LARS2: variants seen among roughly 807,000 people sequenced by gnomAD.
LARS2 encodes leucyl-tRNA synthetase 2, mitochondrial.
Under a neutral mutation model 116.6 loss-of-function variants are expected in LARS2, and 81 were observed. That is an observed-to-expected ratio of 0.69 (90% confidence interval 0.58 to 0.84). LARS2 has a LOEUF of 0.84. LARS2 is among the 40% of genes least tolerant of loss of function. LARS2 has a pLI of 0.00. For missense variants in LARS2, 968 were observed against 1,114.5 expected (o/e 0.87, Z 1.87); for synonymous variants, 396 against 407.2 (o/e 0.97, Z 0.33).
intron 21 of LARS2, among the ~76,000 whole-genome samples, chr3:45,542,460 G>C (rs1700813383): frequency 6.6e-6 from 1 of 152,118 alleles, no homozygotes; most frequent in Non-Finnish European, 1.5e-5. Flanking sequence ...CTTTCTAAGA[G>C]CAAGTAACCC....
intron 21 of LARS2, among the ~76,000 whole-genome samples, chr3:45,543,290 A>G (rs1277311656): frequency 6.6e-6 from 1 of 151,764 alleles, no homozygotes; most frequent in Non-Finnish European, 1.5e-5. Context: ...TGTGGCATGG[A>G]GGAAATTTCT....
intron 6 of LARS2, among the ~76,000 whole-genome samples, chr3:45,431,131 A>G (rs908022473): frequency 7.9e-5 from 12 of 152,192 alleles, no homozygotes; most frequent in African/African-American, 2.7e-4. Flanking sequence ...TATGACAGAC[A>G]AGTCAAGAAG....
intron 20 of LARS2, among the ~76,000 whole-genome samples, chr3:45,532,591 G>A (rs1700632092): frequency 6.6e-6 from 1 of 152,132 alleles, no homozygotes; most frequent in Admixed American, 6.5e-5. Context: ...GCATTGTTAG[G>A]TTAGTGAAAG....
chr3:45,413,420 A>T (rs1437545007), intron 4 of LARS2, among the ~76,000 whole-genome samples: 1 of 152,212 alleles, frequency 6.6e-6, no homozygotes, highest in Non-Finnish European at 1.5e-5. Flanking sequence ...ACCATGCTAG[A>T]TGTGCCACAG....
intron 4 of LARS2, among the ~76,000 whole-genome samples, chr3:45,412,799 C>T (rs1698352577): frequency 6.6e-6 from 1 of 152,176 alleles, no homozygotes; most frequent in Admixed American, 6.5e-5. Context: ...AGCACATATC[C>T]CTTACAGAAA....
chr3:45,403,030 G>A (rs919240084), intron 4 of LARS2, among the ~76,000 whole-genome samples: 1 of 150,512 alleles, frequency 6.6e-6, no homozygotes. Context: ...GCTTGAACCC[G>A]GGAGGCAGAG....
intron 12 of LARS2, among the ~76,000 whole-genome samples, chr3:45,490,994 G>A (rs1699904491): frequency 6.6e-6 from 1 of 152,214 alleles, no homozygotes; most frequent in Admixed American, 6.5e-5. Context: ...TCTGCTTTAG[G>A]ATAATATTGG....
At chr3:45,389,674 G>C (rs185834174) in intron 1 of LARS2, among the ~76,000 whole-genome samples, 283 of 152,346 alleles carry the variant, frequency 1.9e-3, no homozygotes, top group African/African-American at 6.6e-3. Context: ...TCTTATCTTA[G>C]AAGAAGATTC....
At chr3:45,390,319 T>C (rs892213255) in intron 1 of LARS2, among the ~76,000 whole-genome samples, 3 of 152,062 alleles carry the variant, frequency 2.0e-5, no homozygotes, top group Non-Finnish European at 4.4e-5. Context: ...TTTTTATTTA[T>C]TTATTTTTTT....
Position 45,496,360 on chromosome 3 carries a change from C to T in LARS2, c.1609C>T (p.His537Tyr). ...GTACTACTTCAGATACACTGACCCTCATAATCCACACAGGTAAAACGTCCC... is the reference window on the plus strand; with the variant it reads ...GTACTACTTCAGATACACTGACCCTTATAATCCACACAGGTAAAACGTCCC... Reference protein sequence around the residue: ...AWYYFRYTDPHNPHSPFNTAV... With the variant: ...AWYYFRYTDPYNPHSPFNTAV... The change falls in exon 14 of 22, where the codon CAT becomes TAT. Residue 537 changes from histidine to tyrosine, a missense_variant. His to Tyr is a moderately conservative substitution (Grantham distance 83, BLOSUM62 2). Coordinates refer to ENST00000645846, the MANE Select transcript of LARS2 (RefSeq NM_015340.4). 1 of 1,613,020 alleles carries T rather than the reference C, an allele frequency of 6.2e-7. No homozygotes were observed. Among genetic ancestry groups the T allele is most frequent in the Non-Finnish European group, 8.5e-7 (1 of 1,178,970 alleles).
rs1464118442 is a variant in LARS2, at chr3:45,516,287, T to A, written c.2044+11T>A. Reference sequence around the variant, plus strand: ...TGTGGGATGTGAAAAGTAAGTCACCTTCCTCTTCCTGACTTGCTTCCTTTG... The same window carrying A: ...TGTGGGATGTGAAAAGTAAGTCACCATCCTCTTCCTGACTTGCTTCCTTTG... On this transcript the variant is annotated intron_variant, in intron 17 of 21. Coordinates refer to ENST00000645846, the MANE Select transcript of LARS2 (RefSeq NM_015340.4). 1 of 1,609,446 alleles carries A rather than the reference T, an allele frequency of 6.2e-7. No individual in the cohort carries two copies. Among genetic ancestry groups the A allele is most frequent in the South Asian group, 1.1e-5 (1 of 90,328 alleles).
intron 10 of LARS2, among the ~76,000 whole-genome samples, chr3:45,483,729 T>G (rs1185168071): frequency 6.6e-6 from 1 of 152,214 alleles, no homozygotes; most frequent in Non-Finnish European, 1.5e-5. Context: ...CTCAGCCAGC[T>G]GCAGCAACAG....
intron 6 of LARS2, among the ~76,000 whole-genome samples, chr3:45,434,261 A>T (rs1698765924): frequency 6.6e-6 from 1 of 151,998 alleles, no homozygotes; most frequent in Admixed American, 6.6e-5. Context: ...CCTAAGCTCT[A>T]TTCATTTTTT....
At chr3:45,433,386 C>G (rs916955054) in intron 6 of LARS2, among the ~76,000 whole-genome samples, 8 of 151,790 alleles carry the variant, frequency 5.3e-5, no homozygotes, top group African/African-American at 1.9e-4. Flanking sequence ...TTTGATTTAT[C>G]TATAGTGTGT....
At chr3:45,475,222 G>T (rs1168932151) in intron 9 of LARS2, among the ~76,000 whole-genome samples, 1 of 152,136 alleles carries the variant, frequency 6.6e-6, no homozygotes, top group Non-Finnish European at 1.5e-5. Context: ...CTAGACTCTT[G>T]CCTGCTGACA....
At chr3:45,395,378 A>G (rs1315631934) in intron 3 of LARS2, among the ~76,000 whole-genome samples, 16 of 152,236 alleles carry the variant, frequency 1.1e-4, no homozygotes, top group Admixed American at 9.2e-4. Context: ...TGGTGGAAGC[A>G]TAATACTTGG....
intron 13 of LARS2, among the ~76,000 whole-genome samples, chr3:45,493,982 G>A (rs3774685): frequency 0.84 from 127,782 of 152,176 alleles, 56,100 homozygotes; most frequent in East Asian, 0.98. Context: ...ATTTCCCAAA[G>A]TAGTGTCTGT....
Position 45,454,062 on chromosome 3 carries a change from G to A in LARS2, c.607-4681G>A, listed in dbSNP as rs1238167194. Among the ~76,000 whole-genome samples the A allele has an allele frequency of 6.6e-5, 10 of 152,172 alleles. No homozygotes were observed. The East Asian group carries it at 1.4e-3, about 21-fold the overall frequency. Reference sequence around the variant, plus strand: ...GCAAGGAGGATCTGAGGGAAGAGGAGGAATGGTAATGATGAGATGAGAGGC... The same window carrying A: ...GCAAGGAGGATCTGAGGGAAGAGGAAGAATGGTAATGATGAGATGAGAGGC... On this transcript the variant is annotated intron_variant, in intron 7 of 21. Coordinates refer to ENST00000645846, the MANE Select transcript of LARS2 (RefSeq NM_015340.4).
intron 9 of LARS2, among the ~76,000 whole-genome samples, 186 bp downstream of exon 9, chr3:45,474,536 ATT>A (rs1559480737): frequency 6.6e-6 from 1 of 152,228 alleles, no homozygotes; most frequent in Admixed American, 6.5e-5. Context: ...TCAATAACAT[ATT>A]TTATTTAACC....
Sources: gnomAD v4.1 joint callset for allele counts (sites outside exome capture counted in the v4.1 genomes callset) on GRCh38, gnomAD v4.1.1 for gene constraint, MANE v1.5 for transcripts, NCBI Gene and HGNC (gene_info 2026-07-23, HGNC 2026-07-21) for gene names.